The following ACKR3 variants were observed in gnomAD, a reference collection of about 807,000 sequenced individuals.
ACKR3 encodes the protein atypical chemokine receptor 3.
In ACKR3, 6 loss-of-function variants were observed where a neutral mutation model predicts 22.4. That is an observed-to-expected ratio of 0.27 (90% CI 0.15 to 0.53). The LOEUF is 0.53. ACKR3 is among the 20% of genes least tolerant of loss of function. ACKR3 has a pLI of 0.96. For synonymous variants in ACKR3, 209 were observed against 205.2 expected (o/e 1.02, Z -0.16); for missense variants, 396 against 475.2 (o/e 0.83, Z 1.55).
At chr2:236,552,354 T>C in the ACKR3 span, among the ~76,000 whole-genome samples, 1 of 152,242 alleles carries the variant, frequency 6.6e-6, no homozygotes, top group South Asian at 2.1e-4. Context: ...CTACTTTCTA[T>C]TATACATGGT....
At chr2:236,572,416 AG>A (rs1346164549) in intron 1 of ACKR3, among the ~76,000 whole-genome samples, 2 of 152,240 alleles carry the variant, frequency 1.3e-5, no homozygotes, top group East Asian at 3.8e-4. Context: ...TAACGAGCCC[AG>A]GGCAGTGTGG....
At chr2:236,552,921 C>G in the ACKR3 span, among the ~76,000 whole-genome samples, 1 of 152,184 alleles carries the variant, frequency 6.6e-6, no homozygotes, top group Non-Finnish European at 1.5e-5. Flanking sequence ...GAGAAATTTG[C>G]AGAAGTCACA....
At chr2:236,555,073 C>T in the ACKR3 span, among the ~76,000 whole-genome samples, 10 of 152,342 alleles carry the variant, frequency 6.6e-5, no homozygotes, top group South Asian at 6.2e-4. Flanking sequence ...GCATCCACAG[C>T]GGCAGGTGGC....
the ACKR3 span, among the ~76,000 whole-genome samples, chr2:236,547,406 T>C: frequency 5.1e-4 from 77 of 152,330 alleles, no homozygotes; most frequent in Non-Finnish European, 9.3e-4. Context: ...ATATTCTTTA[T>C]ACACAAAAGA....
chr2:236,567,167 T>C (rs887602153), upstream of ACKR3, among the ~76,000 whole-genome samples: 3 of 152,068 alleles, frequency 2.0e-5, no homozygotes, highest in African/African-American at 7.2e-5. Flanking sequence ...CTGGGCTAAT[T>C]TTTTGTATTT....
chr2:236,543,996 CT>C, the ACKR3 span, among the ~76,000 whole-genome samples: 35 of 48,042 alleles, frequency 7.3e-4, no homozygotes, highest in East Asian at 4.5e-3. Context: ...TATATATACA[CT>C]TTTTTTTTTT....
chr2:236,569,941 C>G lies in ACKR3; in HGVS notation c.-27+17C>G, dbSNP rs1359367235. 6.6e-6 allele frequency: 1 copy of G among 152,596 alleles called. No individual in the cohort carries two copies. Among genetic ancestry groups the G allele is most frequent in the South Asian group, 2.1e-4 (1 of 4,832 alleles). The allele number at this position is 152,596 out of a possible 1,614,324, so 9.5% of individuals were successfully genotyped here. A position where few individuals can be genotyped will look rare whatever the true frequency, so the allele number is the denominator to read the frequency against. ...AGCCCGGAGGTAAGGAAACGGTGCT[C>G]GGGCAGCAGCTCTGCTCGGAAAGAA... is the stretch of plus-strand genomic sequence containing the variant. On this transcript the variant is annotated intron_variant, in intron 1 of 1. Transcript: ENST00000272928.
chr2:236,553,769 A>G, the ACKR3 span, among the ~76,000 whole-genome samples: 1 of 152,278 alleles, frequency 6.6e-6, no homozygotes, highest in Non-Finnish European at 1.5e-5. Flanking sequence ...TTGTGGAGTG[A>G]GGCCTCTTGG....
chr2:236,551,554 G>A, the ACKR3 span, among the ~76,000 whole-genome samples: 1 of 152,152 alleles, frequency 6.6e-6, no homozygotes, highest in Non-Finnish European at 1.5e-5. Context: ...GGAAAACTGG[G>A]TGCAGACACC....
the ACKR3 span, among the ~76,000 whole-genome samples, chr2:236,554,018 C>A: frequency 1.2e-4 from 19 of 152,246 alleles, no homozygotes; most frequent in African/African-American, 4.1e-4. Context: ...TTCATGAGGA[C>A]ACAGTACACC....
upstream of ACKR3, among the ~76,000 whole-genome samples, chr2:236,567,346 C>T (rs1390722585): frequency 6.6e-6 from 1 of 152,176 alleles, no homozygotes; most frequent in Non-Finnish European, 1.5e-5. Context: ...GAAACTTGCA[C>T]TATGCTTTCC....
At chr2:236,552,091 A>G in the ACKR3 span, among the ~76,000 whole-genome samples, 2 of 152,196 alleles carry the variant, frequency 1.3e-5, no homozygotes, top group Admixed American at 1.3e-4. Context: ...TTCCCATCCA[A>G]TACTCTGATG....
At chr2:236,558,170 G>T in the ACKR3 span, among the ~76,000 whole-genome samples, 1 of 152,182 alleles carries the variant, frequency 6.6e-6, no homozygotes, top group Non-Finnish European at 1.5e-5. Flanking sequence ...GCTTTATTGA[G>T]TCCGGCAGTG....
chr2:236,549,946 G>A, the ACKR3 span, among the ~76,000 whole-genome samples: 1 of 152,182 alleles, frequency 6.6e-6, no homozygotes, highest in East Asian at 1.9e-4. The surrounding 1 kb of genome is among the most constrained non-coding windows in gnomAD (Gnocchi z 5.3). Flanking sequence ...GGAATTTCTA[G>A]CTGTCTGGTG....
chr2:236,568,447 C>T (rs1164086268), upstream of ACKR3, among the ~76,000 whole-genome samples: 1 of 152,222 alleles, frequency 6.6e-6, no homozygotes, highest in Non-Finnish European at 1.5e-5. Context: ...GGCAGTTTTC[C>T]TTTCCAGCGT....
upstream of ACKR3, chr2:236,569,642 C>T (rs1034518237): frequency 1.3e-5 from 2 of 151,906 alleles, no homozygotes; most frequent in Admixed American, 1.3e-4. Context: ...CCCAAGAGTA[C>T]ACTTGTGCAG....
chr2:236,571,884 C>T (rs2708177), intron 1 of ACKR3, among the ~76,000 whole-genome samples: 69 of 152,020 alleles, frequency 4.5e-4, no homozygotes, highest in East Asian at 1.4e-3. Context: ...GAATCTGGGG[C>T]CAGAAGGCAT....
At chr2:236,572,088 TAAAAG>T (rs1037150249) in intron 1 of ACKR3, among the ~76,000 whole-genome samples, 1 of 152,006 alleles carries the variant, frequency 6.6e-6, no homozygotes, top group Admixed American at 6.5e-5. Flanking sequence ...TCTGTTGAAA[TAAAAG>T]AAAGCAAGCC....
At chr2:236,551,366 C>T in the ACKR3 span, among the ~76,000 whole-genome samples, 1 of 152,224 alleles carries the variant, frequency 6.6e-6, no homozygotes, top group Admixed American at 6.5e-5. Flanking sequence ...GCCCCCAAGT[C>T]CAGCCTTGTG....
Sources: allele counts gnomAD v4.1 joint callset (sites outside exome capture counted in the v4.1 genomes callset), GRCh38; gene constraint gnomAD v4.1.1; non-coding constraint Gnocchi (gnomAD v3.1); transcripts MANE v1.5; gene names NCBI Gene and HGNC (gene_info 2026-07-23, HGNC 2026-07-21).